The following ROBO1 variants were observed in gnomAD, a reference collection of about 807,000 sequenced individuals.
The protein encoded by ROBO1 is roundabout homolog 1.
Under a neutral mutation model 195.9 loss-of-function variants are expected in ROBO1, and 149 were observed. The ratio of observed to expected loss-of-function variants is 0.76; its 90% CI spans 0.67 to 0.87. ROBO1 has a LOEUF of 0.87. ROBO1 is among the 40% of genes least tolerant of loss of function. The probability of loss-of-function intolerance (pLI) is 0.00; values close to 1 mark genes in which losing one functional copy is unlikely to be tolerated. For missense variants in ROBO1, 1,933 were observed against 2,068.3 expected, an observed-to-expected ratio of 0.93 and a Z score of 1.27; for synonymous variants, 816 against 733.2, an observed-to-expected ratio of 1.11 and a Z score of -1.82.
At chr3:78,870,670 T>A (rs1317416273) in intron 4 of ROBO1, among the ~76,000 whole-genome samples, 2 of 152,160 alleles carry the variant, frequency 1.3e-5, no homozygotes, top group Non-Finnish European at 2.9e-5. Context: ...GCTGAGCCCA[T>A]CATCAATGGC....
At chr3:79,014,537 A>G (rs1576567276) in intron 3 of ROBO1, among the ~76,000 whole-genome samples, 1 of 152,026 alleles carries the variant, frequency 6.6e-6, no homozygotes, top group South Asian at 2.1e-4. Flanking sequence ...CAGAGGGCAC[A>G]CTCCCACTTG....
At chr3:78,802,080 T>C (rs1157978080) in intron 4 of ROBO1, among the ~76,000 whole-genome samples, 2 of 152,144 alleles carry the variant, frequency 1.3e-5, no homozygotes, top group Non-Finnish European at 2.9e-5. Flanking sequence ...TCCATTACTA[T>C]GCAATTAACA....
rs186634431 is a variant in ROBO1 at position 78,988,516 on chromosome 3, C to T, written c.173-49589G>A. ...CTTTTATCTCCAGAGACCTTTTATCCCCACCTGCTGGAAGCATGAAACATA... is the reference window on the plus strand; with the variant it reads ...CTTTTATCTCCAGAGACCTTTTATCTCCACCTGCTGGAAGCATGAAACATA... On this transcript the variant is annotated intron_variant, in intron 3 of 30. Coordinates refer to ENST00000464233, the MANE Select transcript of ROBO1 (RefSeq NM_002941.4). Among the ~76,000 whole-genome samples, 475 of 152,166 alleles carry T rather than the reference C, an allele frequency of 3.1e-3. 6 individuals are homozygous for T. The highest frequency in any genetic ancestry group is 2.5e-3 in the Non-Finnish European group (172 of 68,008).
At chr3:79,603,210 A>G (rs1944388281) in intron 1 of ROBO1, among the ~76,000 whole-genome samples, 1 of 151,942 alleles carries the variant, frequency 6.6e-6, no homozygotes, top group Non-Finnish European at 1.5e-5. Flanking sequence ...TTCCCTTCAC[A>G]TTCTGCTTTA....
intron 4 of ROBO1, among the ~76,000 whole-genome samples, chr3:78,903,806 A>C (rs1451105900): frequency 1.3e-5 from 2 of 152,134 alleles, no homozygotes; most frequent in African/African-American, 4.8e-5. Context: ...AGAGATATTT[A>C]AATGCTTAAA....
At chr3:78,757,948 A>G (rs1576102155) in intron 4 of ROBO1, among the ~76,000 whole-genome samples, 1 of 152,162 alleles carries the variant, frequency 6.6e-6, no homozygotes. Context: ...AATAATGCCA[A>G]ATACCTAACA....
At chr3:79,562,000 A>G (rs1343369747) in intron 2 of ROBO1, among the ~76,000 whole-genome samples, 1 of 152,174 alleles carries the variant, frequency 6.6e-6, no homozygotes, top group Non-Finnish European at 1.5e-5. Context: ...AATAATTCTT[A>G]GGTGACAAAT....
intron 2 of ROBO1, among the ~76,000 whole-genome samples, chr3:79,421,215 C>T (rs1247477047): frequency 1.3e-5 from 2 of 151,934 alleles, no homozygotes; most frequent in East Asian, 3.9e-4. Flanking sequence ...ACACTGGGAC[C>T]TAATTGAGGT....
intron 2 of ROBO1, among the ~76,000 whole-genome samples, chr3:79,200,588 A>G (rs1255484855): frequency 6.6e-6 from 1 of 151,830 alleles, no homozygotes; most frequent in Admixed American, 6.6e-5. Context: ...AGAAGTGCCA[A>G]TTAAGTAGAA....
At chr3:79,758,977 A>G (rs776515696) in intron 1 of ROBO1, among the ~76,000 whole-genome samples, 1 of 152,240 alleles carries the variant, frequency 6.6e-6, no homozygotes, top group African/African-American at 2.4e-5. Context: ...AATATAATTT[A>G]TATTTGGTAT....
chr3:78,950,367 T>C, intron 3 of ROBO1, among the ~76,000 whole-genome samples: 1 of 151,508 alleles, frequency 6.6e-6, no homozygotes. Flanking sequence ...TGTAGGGACA[T>C]GGATGAAACT....
intron 2 of ROBO1, among the ~76,000 whole-genome samples, chr3:79,351,725 A>G (rs1179206518): frequency 6.6e-6 from 1 of 152,138 alleles, no homozygotes; most frequent in East Asian, 1.9e-4. Flanking sequence ...TGAAAGAAAA[A>G]GCAAAATAGA....
intron 8 of ROBO1, 147 bp downstream of exon 8, chr3:78,714,250 G>T (rs2081841152): frequency 4.1e-6 from 3 of 737,542 alleles, no homozygotes; most frequent in African/African-American, 1.8e-5. Context: ...AACAATATGT[G>T]TTCTTTAAAT....
intron 4 of ROBO1, among the ~76,000 whole-genome samples, chr3:78,914,703 G>A (rs1215670225): frequency 6.9e-6 from 1 of 145,874 alleles, no homozygotes; most frequent in African/African-American, 2.5e-5. Context: ...TATATTTATA[G>A]GTATATATTT....
Position 79,704,097 on chromosome 3 carries a change from A to G in ROBO1, c.-51+63655T>C, listed in dbSNP as rs545370506. ...AGAGCAGTTTTAGGTTAACAGCAAT[A>G]TTGAGACAAGGGTGCAGAGATATCT... On this transcript the variant is annotated intron_variant, in intron 1 of 30. Transcript: ENST00000464233. 2.0e-5 allele frequency among the ~76,000 whole-genome samples: 3 copies of G among 152,066 alleles called. No homozygotes were observed. The South Asian group carries it at 6.2e-4, about 31-fold the overall frequency.
chr3:78,690,333 T>G (rs2081144569), intron 8 of ROBO1, among the ~76,000 whole-genome samples: 1 of 151,782 alleles, frequency 6.6e-6, no homozygotes. Context: ...GACTAGAAAA[T>G]TATAGGAGAC....
intron 1 of ROBO1, among the ~76,000 whole-genome samples, chr3:79,667,390 A>C (rs6770961): frequency 0.6 from 91,391 of 151,438 alleles, 27,801 homozygotes; most frequent in Middle Eastern, 0.7. Context: ...TGTTCTTTGT[A>C]TTTAATATAC....
chr3:79,739,900 A>G (rs1446009986), intron 1 of ROBO1, among the ~76,000 whole-genome samples: 2 of 152,128 alleles, frequency 1.3e-5, no homozygotes, highest in African/African-American at 4.8e-5. Flanking sequence ...AAGTTTTCAG[A>G]CTGCTCCTTG....
At chr3:79,472,789 G>T (rs1938351585) in intron 2 of ROBO1, among the ~76,000 whole-genome samples, 1 of 152,118 alleles carries the variant, frequency 6.6e-6, no homozygotes, top group Non-Finnish European at 1.5e-5. Flanking sequence ...CTTCTTTCTG[G>T]AGAAGACAAT....
Sources: gnomAD v4.1 joint callset for allele counts (sites outside exome capture counted in the v4.1 genomes callset) on GRCh38, gnomAD v4.1.1 for gene constraint, MANE v1.5 for transcripts, NCBI Gene and HGNC (gene_info 2026-07-23, HGNC 2026-07-21) for gene names.